The following DLC1 variants were observed in gnomAD, a reference collection of about 807,000 sequenced individuals.
The protein encoded by DLC1 is DLC1 Rho GTPase activating protein, also known as rho GTPase-activating protein 7.
In DLC1, 54 loss-of-function variants were observed where a neutral mutation model predicts 140.3. The observed-to-expected ratio is 0.38, with a 90% CI of 0.31 to 0.48. DLC1 has a LOEUF of 0.48. DLC1 is among the 20% of genes least tolerant of loss of function. The pLI is 0.96. For synonymous variants in DLC1, 986 were observed against 728.1 expected (o/e 1.35, Z -5.70); for missense variants, 2,536 against 1,907.0 (o/e 1.33, Z -6.14).
At chr8:13,178,572 CAAAAAAAA>C (rs75910995) in intron 5 of DLC1, among the ~76,000 whole-genome samples, 1 of 79,112 alleles carries the variant, frequency 1.3e-5, no homozygotes, top group African/African-American at 4.2e-5. Context: ...GACTCTGCCT[CAAAAAAAA>C]AAAAAAAAAA....
At chr8:13,345,445 A>G (rs2117004606) in intron 4 of DLC1, among the ~76,000 whole-genome samples, 1 of 151,592 alleles carries the variant, frequency 6.6e-6, no homozygotes, top group South Asian at 2.1e-4. Flanking sequence ...GGAAGGAGCC[A>G]GGAGCCAGTT....
chr8:13,151,689 CTT>C (rs1251351519), intron 5 of DLC1, among the ~76,000 whole-genome samples: 1 of 152,204 alleles, frequency 6.6e-6, no homozygotes, highest in Non-Finnish European at 1.5e-5. Flanking sequence ...CCAGCCTACT[CTT>C]TGCACCCAAG....
chr8:13,261,926 C>A (rs1482857887), intron 5 of DLC1, among the ~76,000 whole-genome samples: 1 of 152,138 alleles, frequency 6.6e-6, no homozygotes, highest in African/African-American at 2.4e-5. Context: ...AATAATAATT[C>A]AGGAAAAGCT....
chr8:13,462,841 C>G (rs954326863), intron 2 of DLC1, among the ~76,000 whole-genome samples: 1 of 152,216 alleles, frequency 6.6e-6, no homozygotes, highest in Non-Finnish European at 1.5e-5. Flanking sequence ...GAAGAGCTCA[C>G]TCTCTTCCAG....
chr8:13,188,827 G>GTATATATATATATATATATATATATATA (rs1563149780), intron 5 of DLC1, among the ~76,000 whole-genome samples: 2 of 28,646 alleles, frequency 7.0e-5, no homozygotes, highest in Non-Finnish European at 1.5e-4. Flanking sequence ...ATATATATAT[G>GTATATATATATATATATATATATATATA]TATATATATA....
intron 4 of DLC1, among the ~76,000 whole-genome samples, chr8:13,362,749 C>T (rs1835291427): frequency 6.6e-6 from 1 of 152,216 alleles, no homozygotes; most frequent in South Asian, 2.1e-4. Flanking sequence ...ATCAGCCACA[C>T]TGGCCCCTTC....
intron 2 of DLC1, among the ~76,000 whole-genome samples, chr8:13,421,804 C>T (rs923669548): frequency 7.2e-5 from 11 of 152,152 alleles, no homozygotes; most frequent in Admixed American, 3.3e-4. Flanking sequence ...CTTCTTCTTT[C>T]CCAATATGGT....
chr8:13,534,247 A>T (rs1259860872), intron 1 of DLC1, among the ~76,000 whole-genome samples: 2 of 152,032 alleles, frequency 1.3e-5, no homozygotes, highest in African/African-American at 4.8e-5. Context: ...CCTCCTCCCC[A>T]TTTTTGATAC....
chr8:13,328,366 G>T (rs955003744), intron 4 of DLC1, among the ~76,000 whole-genome samples: 1 of 152,142 alleles, frequency 6.6e-6, no homozygotes, highest in Non-Finnish European at 1.5e-5. Context: ...ATATTTTGGA[G>T]AGAGAGGTGT....
intron 5 of DLC1, among the ~76,000 whole-genome samples, chr8:13,233,212 T>G (rs1208072402): frequency 7.1e-6 from 1 of 140,848 alleles, no homozygotes; most frequent in Non-Finnish European, 1.5e-5. Flanking sequence ...CCAGAATCCC[T>G]TGAACCTGGG....
chr8:13,312,080 G>GCAAGCTAGATAAACAGAAAGA (rs1357436005), intron 4 of DLC1, among the ~76,000 whole-genome samples: 5 of 149,868 alleles, frequency 3.3e-5, no homozygotes, highest in Non-Finnish European at 4.4e-5. Context: ...AATTTCTTTA[G>GCAAGCTAGATAAACAGAAAGA]GCCGGGCGCG....
rs74473909 is a variant in DLC1, at chr8:13,360,809, A to G, written c.1314+32744T>C. Among the ~76,000 whole-genome samples the G allele has an allele frequency of 6.8e-3, 1,039 of 152,318 alleles. 5 individuals carry two copies. Among genetic ancestry groups the G allele is most frequent in the Non-Finnish European group, 0.011 (741 of 68,032 alleles). On this transcript the variant is annotated intron_variant, in intron 4 of 17. Coordinates refer to ENST00000276297, the MANE Select transcript of DLC1 (RefSeq NM_182643.3). Reference sequence around the variant, plus strand: ...TACTACCCACATACAAACATTGTCAACAGTTTGGTTTGTTTCCTTCTTTCA... The same window carrying G: ...TACTACCCACATACAAACATTGTCAGCAGTTTGGTTTGTTTCCTTCTTTCA...
At chr8:13,361,144 A>G (rs898400128) in intron 4 of DLC1, among the ~76,000 whole-genome samples, 1 of 152,060 alleles carries the variant, frequency 6.6e-6, no homozygotes, top group African/African-American at 2.4e-5. Context: ...AGGTAGGAGG[A>G]TCACCTGAGC....
In DLC1 at chr8:13,476,773, C is replaced by A. The variant is rs114703545; in HGVS notation, c.1023+22276G>T. Among the ~76,000 whole-genome samples the A allele has an allele frequency of 4.5e-3, 692 of 152,154 alleles. 5 individuals are homozygous for A. The highest frequency in any genetic ancestry group is 0.016 in the African/African-American group (655 of 41,494). On this transcript the variant is annotated intron_variant, in intron 2 of 17. Transcript: ENST00000276297. ...TGACAAATGTTCAACGGTAAAAAAA[C>A]CCACTGAATTAATGAATTAGTGATT...
In DLC1 at chr8:13,563,477, T is replaced by G. The variant is rs139005967; in HGVS notation, c.-126+41060A>C. Among the ~76,000 whole-genome samples, 108 of 152,294 alleles carry G rather than the reference T, an allele frequency of 7.1e-4. 1 individual carries two copies. In the South Asian group the frequency reaches 0.019, roughly 27 times the overall value. ...TAAAAAATCATGAGTGATGTAAGATTCTTTCCTCCAGAAAGAATCAGCTCC... is the reference window on the plus strand; with the variant it reads ...TAAAAAATCATGAGTGATGTAAGATGCTTTCCTCCAGAAAGAATCAGCTCC... On this transcript the variant is annotated intron_variant, in intron 1 of 1. Transcript: ENST00000631382.
chr8:13,412,414 A>T (rs1174820943), intron 2 of DLC1, among the ~76,000 whole-genome samples: 1 of 152,112 alleles, frequency 6.6e-6, no homozygotes, highest in East Asian at 1.9e-4. Flanking sequence ...ATCTTAGAAA[A>T]TTACTTGCAC....
chr8:13,233,293 T>TAAAAAAAAAAAAAA (rs71207134), intron 5 of DLC1, among the ~76,000 whole-genome samples: 5 of 70,388 alleles, frequency 7.1e-5, no homozygotes, highest in African/African-American at 2.9e-4. Flanking sequence ...AGACTCTGTA[T>TAAAAAAAAAAAAAA]AAAAAAAAAA....
chr8:13,514,560 A>C (rs539574895), intron 1 of DLC1, 42 bp downstream of exon 1: 6 of 398,374 alleles, frequency 1.5e-5, no homozygotes, highest in Non-Finnish European at 2.7e-5. Context: ...CTGCCTCTTC[A>C]AAGACCGCCT....
intron 2 of DLC1, among the ~76,000 whole-genome samples, chr8:13,453,419 T>TTTTTTTTTTTTTCAG (rs1799181471): frequency 2.1e-5 from 1 of 46,762 alleles, no homozygotes; most frequent in Non-Finnish European, 3.4e-5. Context: ...TATATATATA[T>TTTTTTTTTTTTTCAG]ATATGTGTAT....
Sources: gnomAD v4.1 joint callset for allele counts (sites outside exome capture counted in the v4.1 genomes callset) on GRCh38, gnomAD v4.1.1 for gene constraint, MANE v1.5 for transcripts, NCBI Gene and HGNC (gene_info 2026-07-23, HGNC 2026-07-21) for gene names.